YIPF7: variants seen among roughly 807,000 people sequenced by gnomAD.
YIPF7 encodes the protein protein YIPF7.
A neutral mutation model predicts 27.2 loss-of-function variants in YIPF7; 35 were observed. The ratio of observed to expected loss-of-function variants is 1.29; its 90% CI spans 0.98 to 1.70. YIPF7 has a LOEUF of 1.70. Ranked by LOEUF, YIPF7 falls within the 40% of genes most tolerant of loss-of-function variation. The pLI is 0.00. For synonymous variants in YIPF7, 137 were observed against 110.4 expected (o/e 1.24, Z -1.51); for missense variants, 358 against 303.7 (o/e 1.18, Z -1.33).
At chr4:44,656,576 A>G (rs1339040209), upstream of YIPF7, among the ~76,000 whole-genome samples, 2 of 152,088 alleles carry the variant, frequency 1.3e-5, no homozygotes, top group Non-Finnish European at 2.9e-5. Flanking sequence ...CAAGTAGTAA[A>G]TTGTCAATAA....
chr4:44,635,719 T>C (rs1347902), intron 3 of YIPF7, among the ~76,000 whole-genome samples: 149,041 of 152,222 alleles, frequency 0.98, 73,053 homozygotes, highest in East Asian at 1. Context: ...ACAGAATATC[T>C]CATATCTGCA....
intron 3 of YIPF7, among the ~76,000 whole-genome samples, chr4:44,634,314 C>T (rs1045956234): frequency 3.9e-5 from 6 of 152,136 alleles, no homozygotes; most frequent in African/African-American, 1.2e-4. Flanking sequence ...GGGTGGATCA[C>T]CCAAAGTCAG....
chr4:44,636,058 A>G lies in YIPF7; in HGVS notation c.144T>C (p.Pro48=). 4.3e-6 allele frequency: 7 copies of G among 1,612,490 alleles called. No homozygotes were observed. The highest frequency in any genetic ancestry group is 5.9e-6 in the Non-Finnish European group (7 of 1,178,972). Residue 48 remains proline, a synonymous_variant, in exon 3 of 6, where the codon CCT becomes CCC. Transcript: ENST00000415895. ...GCATCTCTGATGGAACAAAGGAGGC[A>G]GGCTGAGGCTGCTCACCAGCTTGTT... The part of the protein sequence containing the change: ...RKQQAGEQPQ[P]ASFVPSEMLM...
intron 2 of YIPF7, among the ~76,000 whole-genome samples, chr4:44,640,832 C>G (rs184523929): frequency 6.6e-6 from 1 of 152,044 alleles, no homozygotes; most frequent in Non-Finnish European, 1.5e-5. Context: ...GTTCACACCC[C>G]GGTTCTGCAA....
At chr4:44,635,854 C>T (rs1713095965) in intron 3 of YIPF7, 68 bp downstream of exon 3, 1 of 1,528,906 alleles carries the variant, frequency 6.5e-7, no homozygotes, top group Non-Finnish European at 8.9e-7. Flanking sequence ...TGACAGCACA[C>T]ATTAAGTGCT....
intron 2 of YIPF7, among the ~76,000 whole-genome samples, chr4:44,643,554 G>A (rs778781696): frequency 1.3e-5 from 2 of 152,190 alleles, no homozygotes; most frequent in Non-Finnish European, 2.9e-5. Context: ...AAAGAGCCAT[G>A]TGCTATTAGT....
chr4:44,622,715 A>G, intron 5 of YIPF7, 139 bp from the exon 6 acceptor site: 1 of 1,118,202 alleles, frequency 8.9e-7, no homozygotes, highest in Non-Finnish European at 1.2e-6. Flanking sequence ...AAATATATGA[A>G]CAAAAGCCCT....
intron 3 of YIPF7, among the ~76,000 whole-genome samples, chr4:44,634,545 A>G (rs1713038258): frequency 6.6e-6 from 1 of 152,210 alleles, no homozygotes; most frequent in Admixed American, 6.5e-5. Context: ...AAGAAAAAAA[A>G]TACTCGTGAC....
chr4:44,637,777 T>C (rs548859129), intron 2 of YIPF7, among the ~76,000 whole-genome samples: 13 of 152,282 alleles, frequency 8.5e-5, no homozygotes, highest in African/African-American at 2.9e-4. Flanking sequence ...CCAAAGCCCA[T>C]TGTATTATTC....
upstream of YIPF7, among the ~76,000 whole-genome samples, chr4:44,652,697 C>T (rs1312116324): frequency 2.0e-5 from 3 of 152,144 alleles, no homozygotes; most frequent in Non-Finnish European, 2.9e-5. Flanking sequence ...GTTTCAGAAA[C>T]AAGCAAACTA....
intron 2 of YIPF7, among the ~76,000 whole-genome samples, chr4:44,639,093 C>A (rs368783821): frequency 6.6e-6 from 1 of 152,256 alleles, no homozygotes; most frequent in African/African-American, 2.4e-5. Context: ...GTTACTATAG[C>A]CTTGTAATAT....
At chr4:44,662,031 T>C (rs1232309125) in intron 1 of YIPF7, among the ~76,000 whole-genome samples, 1 of 152,216 alleles carries the variant, frequency 6.6e-6, no homozygotes, top group African/African-American at 2.4e-5. Flanking sequence ...GATGAACATG[T>C]GCTTTTCTTC....
At chr4:44,642,638 G>T (rs1334555127) in intron 2 of YIPF7, among the ~76,000 whole-genome samples, 1 of 152,138 alleles carries the variant, frequency 6.6e-6, no homozygotes, top group African/African-American at 2.4e-5. Context: ...GGAGGTGATT[G>T]AATTATGGGG....
chr4:44,651,718 T>C (rs1472398882), upstream of YIPF7: 10 of 839,058 alleles, frequency 1.2e-5, 1 homozygote, highest in Non-Finnish European at 1.8e-5. Flanking sequence ...TAAAAAAGCC[T>C]GCCAAAAGCC....
chr4:44,634,457 G>A (rs560429841), intron 3 of YIPF7, among the ~76,000 whole-genome samples: 22 of 152,102 alleles, frequency 1.4e-4, no homozygotes, highest in Middle Eastern at 3.4e-3. Context: ...GCTTGAACCC[G>A]GGAGGCAGAG....
chr4:44,631,800 C>T (rs1223553506), intron 3 of YIPF7, among the ~76,000 whole-genome samples: 1 of 152,054 alleles, frequency 6.6e-6, no homozygotes, highest in Non-Finnish European at 1.5e-5. Context: ...AGACATACTA[C>T]ATATTTTAAA....
At chr4:44,637,031 T>C (rs1713150331) in intron 2 of YIPF7, among the ~76,000 whole-genome samples, 2 of 152,246 alleles carry the variant, frequency 1.3e-5, no homozygotes, top group Admixed American at 6.5e-5. Flanking sequence ...TTTGTTTCAC[T>C]TAAGATAGTG....
chr4:44,651,372 A>C (rs970777785), intron 1 of YIPF7, among the ~76,000 whole-genome samples, 182 bp downstream of exon 1: 3 of 152,224 alleles, frequency 2.0e-5, no homozygotes, highest in Non-Finnish European at 4.4e-5. Context: ...GTAATAGCAT[A>C]ACTTTCTCAA....
At chr4:44,650,456 T>C (rs1467274168) in intron 1 of YIPF7, among the ~76,000 whole-genome samples, 2 of 151,454 alleles carry the variant, frequency 1.3e-5, no homozygotes, top group East Asian at 3.9e-4. Context: ...AGGATTTCCC[T>C]AAAACGATGT....
Sources: gnomAD v4.1 joint callset for allele counts (sites outside exome capture counted in the v4.1 genomes callset) on GRCh38, gnomAD v4.1.1 for gene constraint, MANE v1.5 for transcripts, NCBI Gene and HGNC (gene_info 2026-07-23, HGNC 2026-07-21) for gene names.